Variants in NXN observed in about 807,000 individuals in gnomAD.
NXN encodes nucleoredoxin 1.
A neutral mutation model predicts 48.6 loss-of-function variants in NXN; 16 were observed. The observed-to-expected ratio is 0.33, with a 90% CI of 0.22 to 0.50. The LOEUF (loss-of-function observed/expected upper bound fraction) is 0.50. Ranked by LOEUF, NXN falls within the 20% of genes least tolerant of loss-of-function variation. NXN has a pLI of 0.98. For missense variants in NXN, 492 were observed against 605.5 expected, an observed-to-expected ratio of 0.81 and a Z score of 1.97; for synonymous variants, 281 against 269.6, an observed-to-expected ratio of 1.04 and a Z score of -0.41.
chr17:909,318 G>A (rs540912624), intron 1 of NXN, among the ~76,000 whole-genome samples: 9 of 151,938 alleles, frequency 5.9e-5, no homozygotes, highest in South Asian at 4.1e-4. Context: ...ACCAGTGCTC[G>A]GCATGAAACA....
chr17:892,984 G>C (rs1290551622), intron 1 of NXN, among the ~76,000 whole-genome samples: 1 of 152,238 alleles, frequency 6.6e-6, no homozygotes, highest in Non-Finnish European at 1.5e-5. Context: ...CAAGGGAGGG[G>C]TACCTGTGAA....
rs1242184669 is a variant in NXN, at chr17:919,614, G to A, written c.360+59705C>T. ...AACCTACGTCGTCCTCGGAATCCCC[G>A]CATTCGTCCCACGCGGCCCTCAGAC... On this transcript the variant is annotated intron_variant, in intron 1 of 7. Coordinates refer to ENST00000336868, the MANE Select transcript of NXN (RefSeq NM_022463.5). The surrounding 1 kb of genome is among the most constrained non-coding windows in gnomAD (Gnocchi z 5.1). 2.0e-5 allele frequency among the ~76,000 whole-genome samples: 3 copies of A among 152,034 alleles called. No individual in the cohort carries two copies. The highest frequency in any genetic ancestry group is 1.9e-4 in the East Asian group (1 of 5,188).
intron 1 of NXN, among the ~76,000 whole-genome samples, chr17:905,831 G>C (rs2068576695): frequency 1.3e-5 from 2 of 151,992 alleles, no homozygotes; most frequent in African/African-American, 4.8e-5. Context: ...TTAAAAATTA[G>C]CTGGGCATGG....
chr17:861,382 C>T (rs1359893198), intron 1 of NXN, among the ~76,000 whole-genome samples: 1 of 152,206 alleles, frequency 6.6e-6, no homozygotes, highest in African/African-American at 2.4e-5. Context: ...GATCCGCCCA[C>T]CTCGGCCTCC....
intron 1 of NXN, among the ~76,000 whole-genome samples, chr17:966,509 G>A (rs1299272617): frequency 1.3e-5 from 2 of 151,942 alleles, no homozygotes; most frequent in Non-Finnish European, 2.9e-5. Context: ...CACCACGCCC[G>A]GCTAATTTTG....
intron 1 of NXN, among the ~76,000 whole-genome samples, chr17:869,383 C>T (rs1300531413): frequency 6.6e-6 from 1 of 152,100 alleles, no homozygotes. Context: ...CCCCGACAAG[C>T]GACCTGAGGT....
Position 858,531 on chromosome 17 carries a change from T to A in NXN, c.361-32453A>T, listed in dbSNP as rs145035445. On this transcript the variant is annotated intron_variant, in intron 1 of 7. Transcript: ENST00000336868. ...TCACGAGGTCAGGAGATCGAGACCA[T>A]CCTGGCTAACACGGTGAAACCCCAT... is the stretch of plus-strand genomic sequence containing the variant. Among the ~76,000 whole-genome samples the A allele has an allele frequency of 3.5e-3, 532 of 151,440 alleles. 2 individuals are homozygous for A. Among genetic ancestry groups the A allele is most frequent in the African/African-American group, 0.011 (474 of 41,312 alleles).
intron 6 of NXN, among the ~76,000 whole-genome samples, chr17:804,599 C>T (rs991224616): frequency 3.3e-5 from 5 of 152,190 alleles, no homozygotes; most frequent in East Asian, 1.9e-4. Context: ...CAGTTACCCA[C>T]GGAGCTCAGA....
chr17:802,293 T>C (rs538752279), intron 7 of NXN, among the ~76,000 whole-genome samples: 2 of 152,116 alleles, frequency 1.3e-5, no homozygotes, highest in Non-Finnish European at 2.9e-5. Context: ...GGCTAATTTT[T>C]GTACATTTTT....
intron 1 of NXN, among the ~76,000 whole-genome samples, chr17:901,776 T>C (rs928434993): frequency 6.6e-6 from 1 of 152,192 alleles, no homozygotes; most frequent in Non-Finnish European, 1.5e-5. Context: ...CTCAGCTCAC[T>C]GCAACCTCTG....
intron 1 of NXN, among the ~76,000 whole-genome samples, chr17:891,594 G>A (rs997150404): frequency 3.9e-5 from 6 of 152,198 alleles, no homozygotes; most frequent in South Asian, 2.1e-4. Context: ...GAGAGGCTAT[G>A]ATGCTTCAAC....
At chr17:879,299 T>G (rs1298359506) in intron 1 of NXN, among the ~76,000 whole-genome samples, 1 of 151,020 alleles carries the variant, frequency 6.6e-6, no homozygotes, top group East Asian at 1.9e-4. Flanking sequence ...TTTTTTGTTT[T>G]TTTTTTTTGA....
intron 5 of NXN, among the ~76,000 whole-genome samples, chr17:807,617 C>T (rs974969971): frequency 6.6e-6 from 1 of 152,130 alleles, no homozygotes; most frequent in Non-Finnish European, 1.5e-5. Flanking sequence ...GGGGCTTCCC[C>T]GAGGAACGGC....
At chr17:810,278 TGTGA>T in intron 5 of NXN, among the ~76,000 whole-genome samples, 1 of 89,624 alleles carries the variant, frequency 1.1e-5, no homozygotes, top group African/African-American at 3.7e-5. Context: ...GTTACGAGTC[TGTGA>T]GTGGCGTGCA....
chr17:901,931 C>T (rs757809730), intron 1 of NXN, among the ~76,000 whole-genome samples: 2 of 152,084 alleles, frequency 1.3e-5, no homozygotes, highest in African/African-American at 4.8e-5. Flanking sequence ...AACTCCTGAC[C>T]TCAGGTGATC....
chr17:824,775 C>T (rs995565625), intron 2 of NXN, among the ~76,000 whole-genome samples: 8 of 152,192 alleles, frequency 5.3e-5, no homozygotes, highest in African/African-American at 1.9e-4. Context: ...ATACGCTTCC[C>T]GCTCAACTGA....
intron 1 of NXN, among the ~76,000 whole-genome samples, chr17:890,403 T>TCA (rs1272956953): frequency 1.3e-5 from 2 of 152,180 alleles, no homozygotes; most frequent in African/African-American, 4.8e-5. Context: ...AGACGGACTC[T>TCA]CACTCTGTCG....
chr17:923,872 C>T (rs111914824), intron 1 of NXN, among the ~76,000 whole-genome samples: 179 of 152,122 alleles, frequency 1.2e-3, no homozygotes, highest in African/African-American at 4.2e-3. Flanking sequence ...ATTTGATGAG[C>T]GAGGAGAATA....
In NXN at chr17:870,830, C is replaced by G. The variant is rs564344739; in HGVS notation, c.361-44752G>C. ...AGCAAATGGTTTGGAATCTCTCACA[C>G]TTCTGGTGCTACATGCTTTTATTTA... is the stretch of plus-strand genomic sequence containing the variant. On this transcript the variant is annotated intron_variant, in intron 1 of 7. Coordinates refer to ENST00000336868, the MANE Select transcript of NXN (RefSeq NM_022463.5). Among the ~76,000 whole-genome samples, 4 of 151,704 alleles carry G rather than the reference C, an allele frequency of 2.6e-5. No individual in the cohort carries two copies. The East Asian group carries it at 7.8e-4, about 29-fold the overall frequency.
Sources: allele counts gnomAD v4.1 joint callset (sites outside exome capture counted in the v4.1 genomes callset), GRCh38; gene constraint gnomAD v4.1.1; non-coding constraint Gnocchi (gnomAD v3.1); transcripts MANE v1.5; gene names NCBI Gene and HGNC (gene_info 2026-07-23, HGNC 2026-07-21).